ODAD4: variants seen among roughly 807,000 people sequenced by gnomAD.
ODAD4 encodes the protein outer dynein arm-docking complex subunit 4.
Under a neutral mutation model 51.8 loss-of-function variants are expected in ODAD4, and 49 were observed. That is an observed-to-expected ratio of 0.95 (90% CI 0.75 to 1.20). The LOEUF (loss-of-function observed/expected upper bound fraction) is 1.20, where lower values mean the gene tolerates loss of function less well. Among genes scored for constraint, ODAD4 ranks in the 50% most tolerant of loss-of-function variants. The probability of loss-of-function intolerance (pLI) is 0.00; values close to 1 mark genes in which losing one functional copy is unlikely to be tolerated. For synonymous variants in ODAD4, 235 were observed against 221.3 expected, an observed-to-expected ratio of 1.06 and a Z score of -0.55; for missense variants, 590 against 586.5, an observed-to-expected ratio of 1.01 and a Z score of -0.06.
At chr17:41,953,934 G>A (rs1287434136) in intron 9 of ODAD4, among the ~76,000 whole-genome samples, 2 of 152,028 alleles carry the variant, frequency 1.3e-5, no homozygotes, top group African/African-American at 4.8e-5. Context: ...CCAAAGTGCT[G>A]GGATTATAGG....
Position 41,965,038 on chromosome 17 carries a change from T to G in ODAD4, c.1574T>G (p.Met525Arg), listed in dbSNP as rs1414920528. The change falls in exon 12 of 12, where the codon ATG becomes AGG. Residue 525 changes from methionine to arginine, a missense_variant. Transcript: ENST00000377540. ...EDRIITREKDMRRVRDEPEKV... is the reference protein window; with the variant it reads ...EDRIITREKDRRRVRDEPEKV... ...AGAATAATAACAAGAGAGAAGGACA[T>G]GAGGAGAGTGAGAGATGAGCCCGAG... 1.4e-6 allele frequency: 1 copy of G among 734,484 alleles called. No homozygotes were observed. Among genetic ancestry groups the G allele is most frequent in the African/African-American group, 1.7e-5 (1 of 57,848 alleles). 45.5% of individuals were successfully genotyped at this position (734,484 alleles called of 1,614,324 possible).
chr17:41,938,905 T>C, intron 6 of ODAD4, 60 bp from the exon 7 acceptor site: 1 of 1,584,386 alleles, frequency 6.3e-7, no homozygotes, highest in East Asian at 2.2e-5. Context: ...GGAAGAGGAG[T>C]TACCCTGTCA....
intron 7 of ODAD4, among the ~76,000 whole-genome samples, chr17:41,941,829 C>T (rs886532041): frequency 2.6e-5 from 4 of 151,926 alleles, no homozygotes; most frequent in African/African-American, 9.7e-5. Flanking sequence ...TTACAAATCC[C>T]TCCCCTAGGC....
intron 9 of ODAD4, chr17:41,954,881 G>T: frequency 3.9e-6 from 1 of 254,964 alleles, no homozygotes. Flanking sequence ...TCGTCTTCCA[G>T]AACAATCTAA....
At chr17:41,952,782 G>A (rs782347606) in intron 9 of ODAD4, 2 of 402,650 alleles carry the variant, frequency 5.0e-6, no homozygotes, top group Non-Finnish European at 1.0e-5. Context: ...CCAGACTTTA[G>A]TGCAGTGTCA....
In ODAD4 at chr17:41,952,671, A is replaced by G. The variant is rs782266839; in HGVS notation, c.1343-2546A>G. On this transcript the variant is annotated intron_variant, in intron 9 of 11. Transcript: ENST00000377540. ...TCAGAGTCCCACTGGTCTTGAAAGG[A>G]ATACTGCGACTCCACATATTTTCAG... 6.0e-5 allele frequency: 31 copies of G among 517,920 alleles called. No individual in the cohort carries two copies. In the Admixed American group the frequency reaches 6.0e-4, roughly 10 times the overall value. The allele number at this position is 517,920 out of a possible 1,614,324, so 32.1% of individuals were successfully genotyped here.
chr17:41,931,787 C>G (rs535884979), intron 1 of ODAD4, among the ~76,000 whole-genome samples: 1 of 152,172 alleles, frequency 6.6e-6, no homozygotes, highest in East Asian at 1.9e-4. Flanking sequence ...AGTGATACAC[C>G]TGCCTCGGCC....
At chr17:41,964,063 A>AT (rs539389648) in intron 11 of ODAD4, among the ~76,000 whole-genome samples, 29,315 of 140,430 alleles carry the variant, frequency 0.21, 3,071 homozygotes, top group Non-Finnish European at 0.23. Context: ...CTCCCGGTTA[A>AT]TTTTTTTTTT....
At chr17:41,956,471 C>T (rs1470979644) in intron 10 of ODAD4, among the ~76,000 whole-genome samples, 1 of 146,804 alleles carries the variant, frequency 6.8e-6, no homozygotes, top group Non-Finnish European at 1.5e-5. Flanking sequence ...CTGGTATGAG[C>T]CACCATGCCC....
Position 41,939,052 on chromosome 17 carries a change from C to G in ODAD4, c.938C>G (p.Pro313Arg), listed in dbSNP as rs782718395. 1 of 1,613,696 alleles carries G rather than the reference C, an allele frequency of 6.2e-7. No individual in the cohort carries two copies. The highest frequency in any genetic ancestry group is 1.3e-5 in the African/African-American group (1 of 74,902). ...KVLEWNKEEVPNKDELVGNLY... is the reference protein window; with the variant it reads ...KVLEWNKEEVRNKDELVGNLY... ...CTGGAATGGAACAAGGAAGAGGTAC[C>G]CAACAAGGATGAACTGGTTGGAAAC... The change falls in exon 7 of 12, where the codon CCC becomes CGC. Residue 313 changes from proline to arginine, a missense_variant. Transcript: ENST00000377540.
At chr17:41,933,975 CTT>C (rs370718940) in intron 1 of ODAD4, among the ~76,000 whole-genome samples, 2 of 121,864 alleles carry the variant, frequency 1.6e-5, no homozygotes, top group Admixed American at 8.1e-5. Flanking sequence ...CTAGCATTTT[CTT>C]TTTTTTTTTT....
chr17:41,956,586 CTA>C (rs562417405), intron 10 of ODAD4, among the ~76,000 whole-genome samples: 103 of 150,934 alleles, frequency 6.8e-4, no homozygotes, highest in Middle Eastern at 6.8e-3. Flanking sequence ...TGGCGAAACC[CTA>C]TCTCTAAAAA....
rs1413153256 is a variant in ODAD4, at chr17:41,965,253, G to A, written c.1789G>A (p.Gly597Ser). The A allele has an allele frequency of 2.6e-6, 2 of 777,558 alleles. No homozygotes were observed. Among genetic ancestry groups the A allele is most frequent in the Non-Finnish European group, 4.8e-6 (2 of 416,598 alleles). The allele number at this position is 777,558 out of a possible 1,614,324, so 48.2% of individuals were successfully genotyped here. Residue 597 changes from glycine (G) to serine (S), a missense_variant, in exon 12 of 12, where the codon GGC becomes AGC. By Grantham distance (56) the Gly-to-Ser change is moderately conservative. This residue lies in a region of ODAD4 where 226 missense variants were observed against 162.7 expected (regional missense o/e 1.39). Coordinates refer to ENST00000377540, the MANE Select transcript of ODAD4 (RefSeq NM_031421.5). ...GELGTRSGET[G>S]RKLLEAGRRE... is the part of the protein sequence containing the mutation. ...ATTAGGCACAAGATCAGGAGAAACA[G>A]GCAGGAAGCTACTAGAAGCTGGCAG... is the stretch of plus-strand genomic sequence containing the variant.
chr17:41,950,684 C>T (rs1462301348), intron 9 of ODAD4, among the ~76,000 whole-genome samples: 1 of 150,654 alleles, frequency 6.6e-6, no homozygotes, highest in Non-Finnish European at 1.5e-5. Context: ...CCGAGGAAAC[C>T]TTTTATTTTT....
chr17:41,938,341 C>T (rs1425987882), intron 5 of ODAD4, among the ~76,000 whole-genome samples: 1 of 152,174 alleles, frequency 6.6e-6, no homozygotes, highest in African/African-American at 2.4e-5. Flanking sequence ...CATAAGGGGC[C>T]CATAGCATGG....
Position 41,931,909 on chromosome 17 carries a change from TTTG to T in ODAD4, c.114+1102_114+1104del, listed in dbSNP as rs56275098. On this transcript the variant is annotated intron_variant, in intron 1 of 11. Transcript: ENST00000377540. ...ACCCTAAGGGGATTGGGTGATGGTT[TTTG>T]TTGTTGTTGTTGTTGTTGTTGTTGT... 2.1e-3 allele frequency among the ~76,000 whole-genome samples: 310 copies of T among 149,238 alleles called. 1 individual carries two copies. The highest frequency in any genetic ancestry group is 3.4e-3 in the Middle Eastern group (1 of 290).
At chr17:41,932,945 G>A (rs1555637178) in intron 1 of ODAD4, among the ~76,000 whole-genome samples, 2 of 151,990 alleles carry the variant, frequency 1.3e-5, no homozygotes, top group Non-Finnish European at 2.9e-5. Flanking sequence ...CTTCTAGATG[G>A]AGTGATAGGA....
Position 41,935,643 on chromosome 17 carries a change from T to G in ODAD4, c.291T>G (p.Phe97Leu). 6.2e-7 allele frequency: 1 copy of G among 1,613,426 alleles called. No homozygotes were observed. Among genetic ancestry groups the G allele is most frequent in the Non-Finnish European group, 8.5e-7 (1 of 1,179,662 alleles). The change falls in exon 3 of 12, where the codon TTT becomes TTG. Residue 97 changes from phenylalanine (F) to leucine (L), a missense_variant. Phe to Leu is a conservative substitution (Grantham distance 22). Coordinates refer to ENST00000377540, the MANE Select transcript of ODAD4 (RefSeq NM_031421.5). ...KAETLYTMGDFEFALVFYHRG... is the reference protein window; with the variant it reads ...KAETLYTMGDLEFALVFYHRG... Reference sequence around the variant, plus strand: ...AGACACTGTACACCATGGGAGACTTTGAGTTTGCCTTGGTATTCTATCATC... The same window carrying G: ...AGACACTGTACACCATGGGAGACTTGGAGTTTGCCTTGGTATTCTATCATC...
chr17:41,947,650 C>A (rs1327405270), intron 8 of ODAD4, among the ~76,000 whole-genome samples: 1 of 151,246 alleles, frequency 6.6e-6, no homozygotes, highest in African/African-American at 2.4e-5. Context: ...GCAAAATTAG[C>A]CAGGCGTGGT....
Sources: gnomAD v4.1 joint callset for allele counts (sites outside exome capture counted in the v4.1 genomes callset) on GRCh38, gnomAD v4.1.1 for gene constraint, gnomAD v4.1.1 regional missense constraint, MANE v1.5 for transcripts, NCBI Gene and HGNC (gene_info 2026-07-23, HGNC 2026-07-21) for gene names.